Variants in ROBO2 observed in about 807,000 individuals in gnomAD.
ROBO2 encodes roundabout guidance receptor 2.
ROBO2 carries 53 observed loss-of-function variants against 160.8 expected under a neutral mutation model. The ratio of observed to expected loss-of-function variants is 0.33; its 90% CI spans 0.26 to 0.41. The LOEUF is 0.41. Among genes scored for constraint, ROBO2 ranks in the 10% least tolerant of loss-of-function variants. The pLI is 1.00. For missense variants in ROBO2, 1,577 were observed against 1,722.4 expected (o/e 0.92, Z 1.49); for synonymous variants, 664 against 611.7 (o/e 1.09, Z -1.26).
chr3:77,464,954 T>C (rs1231567763), intron 2 of ROBO2, among the ~76,000 whole-genome samples: 2 of 152,204 alleles, frequency 1.3e-5, no homozygotes, highest in Non-Finnish European at 2.9e-5. Context: ...ACTGAATCTG[T>C]ATATAACATT....
At chr3:76,170,023 A>G (rs2072983148) in intron 2 of ROBO2, among the ~76,000 whole-genome samples, 1 of 151,790 alleles carries the variant, frequency 6.6e-6, no homozygotes, top group African/African-American at 2.4e-5. Flanking sequence ...CTCATGATCC[A>G]CTCGGCTCAG....
At chr3:77,429,041 C>T (rs752685631) in intron 2 of ROBO2, among the ~76,000 whole-genome samples, 4 of 152,142 alleles carry the variant, frequency 2.6e-5, no homozygotes, top group Non-Finnish European at 5.9e-5. Context: ...TAAACAATTA[C>T]TGTATATACA....
intron 2 of ROBO2, among the ~76,000 whole-genome samples, chr3:76,645,680 A>T (rs1164504624): frequency 1.3e-5 from 2 of 152,218 alleles, no homozygotes; most frequent in Admixed American, 1.3e-4. Flanking sequence ...AATTTGAAAA[A>T]GATGTTGGCG....
chr3:77,481,199 C>A (rs1281980314), exon 4 of ROBO2: 1 of 1,577,716 alleles, frequency 6.3e-7, no homozygotes. Flanking sequence ...GACAGTGACC[C>A]AGCAGAGCTG....
intron 2 of ROBO2, among the ~76,000 whole-genome samples, chr3:77,206,611 T>C (rs192993763): frequency 9.2e-5 from 14 of 152,272 alleles, no homozygotes; most frequent in African/African-American, 3.1e-4. Flanking sequence ...TTTCAATATA[T>C]CTTTTTGAGG....
intron 2 of ROBO2, among the ~76,000 whole-genome samples, chr3:76,886,674 AGATGACTAGAAATCAG>A (rs766653491): frequency 2.6e-5 from 4 of 152,156 alleles, no homozygotes; most frequent in African/African-American, 9.7e-5. Context: ...GAGTAATACT[AGATGACTAGAAATCAG>A]GATGACTAGA....
chr3:76,973,077 G>A (rs1009192698), intron 2 of ROBO2, among the ~76,000 whole-genome samples: 4 of 152,060 alleles, frequency 2.6e-5, no homozygotes, highest in Admixed American at 6.6e-5. Flanking sequence ...AAAGAACCTC[G>A]GCCTGTGGAC....
At chr3:77,334,091 ATGCCTAAATGAAC>A (rs762203341) in intron 2 of ROBO2, among the ~76,000 whole-genome samples, 1 of 152,146 alleles carries the variant, frequency 6.6e-6, no homozygotes, top group Non-Finnish European at 1.5e-5. Flanking sequence ...TTCTCTCCTA[ATGCCTAAATGAAC>A]TCAACCACCA....
At chr3:77,114,409 T>C (rs1379928131) in intron 2 of ROBO2, among the ~76,000 whole-genome samples, 1 of 152,230 alleles carries the variant, frequency 6.6e-6, no homozygotes, top group Admixed American at 6.5e-5. Flanking sequence ...ACTTTTTTCT[T>C]ATTCCAGAAA....
intron 2 of ROBO2, among the ~76,000 whole-genome samples, chr3:76,303,558 A>G (rs895650286): frequency 3.3e-5 from 5 of 152,116 alleles, no homozygotes; most frequent in Non-Finnish European, 7.4e-5. Context: ...TGTACTAACA[A>G]ATTTGCCCAG....
chr3:77,382,810 A>G (rs1202056015), intron 2 of ROBO2, among the ~76,000 whole-genome samples: 3 of 151,972 alleles, frequency 2.0e-5, no homozygotes, highest in South Asian at 4.1e-4. Flanking sequence ...TTCTTTATCC[A>G]CTCATTAGTC....
At chr3:77,323,787 C>T (rs2065068449) in intron 2 of ROBO2, among the ~76,000 whole-genome samples, 1 of 152,074 alleles carries the variant, frequency 6.6e-6, no homozygotes, top group African/African-American at 2.4e-5. Context: ...CTTTGAAAGG[C>T]TCATGTGTAA....
intron 2 of ROBO2, among the ~76,000 whole-genome samples, chr3:77,161,467 A>G (rs2078480262): frequency 6.6e-6 from 1 of 152,202 alleles, no homozygotes; most frequent in African/African-American, 2.4e-5. Flanking sequence ...CTCTTAGATG[A>G]TATTAAAACT....
At position 76,356,634 on chromosome 3, in the gene ROBO2, C is replaced by G. The variant is rs530563587; in HGVS notation, c.109+419032C>G. On this transcript the variant is annotated intron_variant, in intron 2 of 26. Coordinates refer to the ROBO2 transcript ENST00000487694. ...TTTTTACCTGATAACAGAACTTCAACTTCACAAAGCCAAAAATTGACAGAA... is the reference window on the plus strand; with the variant it reads ...TTTTTACCTGATAACAGAACTTCAAGTTCACAAAGCCAAAAATTGACAGAA... Among the ~76,000 whole-genome samples, 31 of 151,708 alleles carry G rather than the reference C, an allele frequency of 2.0e-4. No individual in the cohort carries two copies. In the South Asian group the frequency reaches 3.5e-3, roughly 17 times the overall value.
chr3:76,911,175 G>A (rs879161715), intron 2 of ROBO2, among the ~76,000 whole-genome samples: 1 of 152,016 alleles, frequency 6.6e-6, no homozygotes, highest in Admixed American at 6.6e-5. Context: ...ACATAGTTGT[G>A]GCACACAACA....
At chr3:76,930,023 T>G (rs1038839519) in intron 2 of ROBO2, among the ~76,000 whole-genome samples, 1 of 152,178 alleles carries the variant, frequency 6.6e-6, no homozygotes, top group African/African-American at 2.4e-5. Flanking sequence ...TGTCAAATAC[T>G]CTTTTCTTTT....
chr3:75,952,015 T>C (rs569044588), intron 2 of ROBO2, among the ~76,000 whole-genome samples: 4 of 152,106 alleles, frequency 2.6e-5, no homozygotes, highest in African/African-American at 9.6e-5. Flanking sequence ...GCAGGATAAA[T>C]TGACCTTTTG....
chr3:77,211,001 G>A (rs1294797352), intron 2 of ROBO2, among the ~76,000 whole-genome samples: 1 of 152,064 alleles, frequency 6.6e-6, no homozygotes, highest in Non-Finnish European at 1.5e-5. Flanking sequence ...TTGGACATTT[G>A]GGTTGGTTCC....
chr3:76,056,127 CA>C (rs1431708170), intron 2 of ROBO2, among the ~76,000 whole-genome samples: 4 of 152,090 alleles, frequency 2.6e-5, no homozygotes, highest in African/African-American at 9.7e-5. Context: ...TACAGTATAA[CA>C]ACTACATAGC....
Sources: gnomAD v4.1 joint callset for allele counts (sites outside exome capture counted in the v4.1 genomes callset) on GRCh38, gnomAD v4.1.1 for gene constraint, MANE v1.5 for transcripts, NCBI Gene and HGNC (gene_info 2026-07-23, HGNC 2026-07-21) for gene names.